Variants in SLC4A9 observed in about 807,000 individuals in gnomAD.
SLC4A9 encodes anion exchange protein 4.
Under a neutral mutation model 103.2 loss-of-function variants are expected in SLC4A9, and 102 were observed. That is an observed-to-expected ratio of 0.99 (90% confidence interval 0.84 to 1.17). SLC4A9 has a LOEUF of 1.17. Among genes scored for constraint, SLC4A9 ranks in the 50% most tolerant of loss-of-function variants. The pLI is 0.00. For missense variants in SLC4A9, 1,091 were observed against 1,193.7 expected (o/e 0.91, Z 1.27); for synonymous variants, 453 against 483.6 (o/e 0.94, Z 0.83).
intron 21 of SLC4A9, 96 bp downstream of exon 21, chr5:140,372,939 C>T (rs1404760502): frequency 8.8e-6 from 6 of 679,692 alleles, no homozygotes; most frequent in African/African-American, 1.8e-5. Context: ...CTGTTTTCTC[C>T]TTACTCCAGT....
chr5:140,360,627 C>T (rs1766922275), intron 1 of SLC4A9, 161 bp downstream of exon 1: 4 of 1,137,922 alleles, frequency 3.5e-6, no homozygotes, highest in Non-Finnish European at 5.0e-6. Context: ...CCAGCCTCCT[C>T]TGCAGTCTAG....
At chr5:140,374,204 A>T (rs1042077819) in intron 21 of SLC4A9, among the ~76,000 whole-genome samples, 1 of 151,056 alleles carries the variant, frequency 6.6e-6, no homozygotes, top group African/African-American at 2.4e-5. Flanking sequence ...AAAAATCAAA[A>T]ACAAAAATCT....
chr5:140,371,762 CAAAG>C, intron 19 of SLC4A9, 138 bp downstream of exon 19: 7 of 1,034,562 alleles, frequency 6.8e-6, no homozygotes, highest in Non-Finnish European at 9.8e-6. Flanking sequence ...AATCCTAAGA[CAAAG>C]AAAAAGATGG....
At chr5:140,371,267 T>G in intron 18 of SLC4A9, 104 bp downstream of exon 18, 1 of 1,420,232 alleles carries the variant, frequency 7.0e-7, no homozygotes, top group Non-Finnish European at 9.8e-7. Flanking sequence ...TCTTTTCTGC[T>G]GGCATCTCCT....
Position 140,363,489 on chromosome 5 carries a change from C to A in SLC4A9, c.1013C>A (p.Thr338Asn). The change falls in exon 8 of 22, where the codon ACC (threonine) becomes AAC (asparagine). Residue 338 changes from threonine (T) to asparagine (N), a missense_variant. Transcript: ENST00000506757. The surrounding 1 kb of genome is among the most constrained non-coding windows in gnomAD (Gnocchi z 4.5). Reference protein sequence around the residue: ...EIRGPAVPRLTSAEDRHRHGP... With the variant: ...EIRGPAVPRLNSAEDRHRHGP... The stretch of plus-strand genomic sequence containing the variant: ...AGAGGTCCCGCCGTCCCGCGCCTGA[C>A]CTCGGCTGAGGACAGGCACCGCCAT... The A allele has an allele frequency of 6.4e-7, 1 of 1,551,492 alleles. No homozygotes were observed. The highest frequency in any genetic ancestry group is 1.2e-5 in the South Asian group (1 of 84,104).
At position 140,365,938 on chromosome 5, in the gene SLC4A9, C is replaced by T; in HGVS notation, c.1815C>T (p.Phe605=). 6 of 1,614,070 alleles carry T rather than the reference C, an allele frequency of 3.7e-6. No individual in the cohort carries two copies. Among genetic ancestry groups the T allele is most frequent in the Non-Finnish European group, 5.1e-6 (6 of 1,179,906 alleles). Residue 605 remains phenylalanine (F), a synonymous_variant, in exon 13 of 22, where the codon TTC becomes TTT. Transcript: ENST00000506757. ...GTCATACAGTCCCAGACATTGCCTT[C>T]TTCTCCCTTCTCCTCTTCCTTACTT... ...PGCHTVPDIA[F]FSLLLFLTSF... is the part of the protein sequence containing the mutation.
At chr5:140,374,788 G>A (rs1355674864) in intron 21 of SLC4A9, 39 bp from the exon 22 acceptor site, 1 of 152,168 alleles carries the variant, frequency 6.6e-6, no homozygotes, top group Non-Finnish European at 1.5e-5. Flanking sequence ...TGCTTACTCA[G>A]GAAGTCAGGA....
chr5:140,362,079 G>A lies in SLC4A9; in HGVS notation c.624G>A (p.Gly208=). Residue 208 remains glycine (G), a synonymous_variant, in exon 5 of 22, where the codon GGG becomes GGA. Transcript: ENST00000506757. ...CTGAGGCAGGGACTGTGCTGGCAGG[G>A]GAGCTGGGCTTCCTGGCACAGCCAC... ...PGAEAGTVLA[G]ELGFLAQPLG... 1.3e-6 allele frequency: 2 copies of A among 1,585,096 alleles called. No homozygotes were observed.
chr5:140,363,428 C>T lies in SLC4A9; in HGVS notation c.963-11C>T, dbSNP rs745440418. On this transcript the variant is annotated splice_polypyrimidine_tract_variant and intron_variant, in intron 7 of 21. Coordinates refer to ENST00000506757, the MANE Select transcript of SLC4A9 (RefSeq NM_031467.3). The surrounding 1 kb of genome is among the most constrained non-coding windows in gnomAD (Gnocchi z 4.5). ...GATCCTCAGCCAACCTGGGGTTCCC[C>T]TCCTCCTCAGGCTTCCCTCGCAACA... is the stretch of plus-strand genomic sequence containing the variant. 7 of 1,550,578 alleles carry T rather than the reference C, an allele frequency of 4.5e-6. No individual in the cohort carries two copies. The highest frequency in any genetic ancestry group is 1.2e-5 in the South Asian group (1 of 84,018).
At chr5:140,367,284 C>A in intron 14 of SLC4A9, 136 bp from the exon 15 acceptor site, 1 of 1,052,164 alleles carries the variant, frequency 9.5e-7, no homozygotes, top group South Asian at 1.6e-5. Flanking sequence ...TTTGAACCAG[C>A]TATGCACACA....
rs1243095541 is a variant in SLC4A9, at chr5:140,364,694, T to C, written c.1651+69T>C. On this transcript the variant is annotated intron_variant, in intron 11 of 21. Transcript: ENST00000506757. ...TAGGGAAGGGGAGGGGCTGCACCCTTACTATCCCCCCTGGTTAAGTTCAGC... is the reference window on the plus strand; with the variant it reads ...TAGGGAAGGGGAGGGGCTGCACCCTCACTATCCCCCCTGGTTAAGTTCAGC... 1.8e-5 allele frequency: 28 copies of C among 1,534,312 alleles called. No homozygotes were observed. The Admixed American group carries it at 5.6e-4, about 30-fold the overall frequency.
At chr5:140,361,723 G>A (rs1421778801) in intron 3 of SLC4A9, 85 bp from the exon 4 acceptor site, 1 of 1,457,420 alleles carries the variant, frequency 6.9e-7, no homozygotes. Flanking sequence ...CTTACAGCTT[G>A]TCAGTGGCAA....
intron 21 of SLC4A9, 100 bp downstream of exon 21, chr5:140,372,943 CTCCAGTCCCTTAGGAA>C (rs1768943620): frequency 1.5e-6 from 1 of 647,466 alleles, no homozygotes. Flanking sequence ...TTTCTCCTTA[CTCCAGTCCCTTAGGAA>C]TCCTAGATTG....
At position 140,364,369 on chromosome 5, in the gene SLC4A9, C is replaced by A. The variant is rs763625033; in HGVS notation, c.1395C>A (p.Tyr465Ter). ...ERLLFSFSRD[Y>*]SLDYLPFRLW... ...CTGTCTCTCATCCCCACAGAGATTACAGCCTGGACTACCTGCCCTTCCGCC... is the reference window on the plus strand; with the variant it reads ...CTGTCTCTCATCCCCACAGAGATTAAAGCCTGGACTACCTGCCCTTCCGCC... The change falls in exon 11 of 22, where the codon TAC (tyrosine) becomes TAA (stop). Residue 465 changes from tyrosine to a stop codon, truncating the protein, a stop_gained. Coordinates refer to ENST00000506757, the MANE Select transcript of SLC4A9 (RefSeq NM_031467.3). LOFTEE classifies it high-confidence loss of function. 1.6e-5 allele frequency: 26 copies of A among 1,612,614 alleles called. No individual in the cohort carries two copies. Among genetic ancestry groups the A allele is most frequent in the Non-Finnish European group, 7.6e-6 (9 of 1,179,886 alleles).
Position 140,366,214 on chromosome 5 carries a change from GC to G in SLC4A9, c.1964del (p.Ala655ValfsTer5), listed in dbSNP as rs1561600893. On this transcript the variant is annotated frameshift_variant, in exon 14 of 22. Coordinates refer to ENST00000506757, the MANE Select transcript of SLC4A9 (RefSeq NM_031467.3). LOFTEE classifies it high-confidence loss of function. ...CATCCTGCTCGGCTGTGGCCTTGAT[GC>G]TTTCCTGGGCCTAGCCACACCAAAG... ...LAILLGCGLDAFLGLATPKLM... is the reference protein window; with the variant it reads ...LAILLGCGLDXFLGLATPKLM... 1 of 1,608,024 alleles carries G rather than the reference GC, an allele frequency of 6.2e-7. No homozygotes were observed. The highest frequency in any genetic ancestry group is 1.1e-5 in the South Asian group (1 of 90,376).
intron 11 of SLC4A9, among the ~76,000 whole-genome samples, chr5:140,365,247 T>G (rs1285812405): frequency 3.9e-5 from 6 of 152,172 alleles, no homozygotes; most frequent in African/African-American, 1.2e-4. Context: ...ACACACAGAT[T>G]TGTATACTCC....
At chr5:140,362,648 T>C (rs1767278763) in intron 6 of SLC4A9, 116 bp downstream of exon 6, 1 of 1,126,168 alleles carries the variant, frequency 8.9e-7, no homozygotes, top group East Asian at 2.4e-5. Context: ...TCTGTATGTG[T>C]CCCTAAATAC....
In SLC4A9 at chr5:140,363,369, C is replaced by A; in HGVS notation, c.963-70C>A. On this transcript the variant is annotated intron_variant, in intron 7 of 21. Coordinates refer to ENST00000506757, the MANE Select transcript of SLC4A9 (RefSeq NM_031467.3). This position sits in a 1 kb window ranked among gnomAD's most constrained non-coding sequence, Gnocchi z 4.5. ...GAGCAGCCGCTAGGGGGCAGGGCGC[C>A]ACGAGCTCTGGACCGAGTCGCAGAC... is the stretch of plus-strand genomic sequence containing the variant. The A allele has an allele frequency of 7.1e-7, 1 of 1,400,270 alleles. No individual in the cohort carries two copies. Among genetic ancestry groups the A allele is most frequent in the Non-Finnish European group, 9.8e-7 (1 of 1,020,484 alleles). 86.7% of individuals were successfully genotyped at this position (1,400,270 alleles called of 1,614,324 possible). A position where few individuals can be genotyped will look rare whatever the true frequency, so the allele number is the denominator to read the frequency against.
Position 140,361,804 on chromosome 5 carries a change from G to A in SLC4A9, c.506-4G>A. 2 of 1,613,962 alleles carry A rather than the reference G, an allele frequency of 1.2e-6. No homozygotes were observed. Among genetic ancestry groups the A allele is most frequent in the South Asian group, 2.2e-5 (2 of 91,078 alleles). On this transcript the variant is annotated splice_region_variant and splice_polypyrimidine_tract_variant and intron_variant, in intron 3 of 21. Coordinates refer to ENST00000506757, the MANE Select transcript of SLC4A9 (RefSeq NM_031467.3). ...CTTAATCACTGCATAATCCTGTTTT[G>A]TAGGCTCTACTCATCCAAGAAAGGC... is the stretch of plus-strand genomic sequence containing the variant.
Sources: gnomAD v4.1 joint callset for allele counts (sites outside exome capture counted in the v4.1 genomes callset) on GRCh38, gnomAD v4.1.1 for gene constraint, Gnocchi (gnomAD v3.1) non-coding constraint, MANE v1.5 for transcripts, NCBI Gene and HGNC (gene_info 2026-07-23, HGNC 2026-07-21) for gene names.